Variants in MLLT3 observed in about 807,000 individuals in gnomAD.
MLLT3 encodes protein AF-9.
MLLT3 carries 4 observed loss-of-function variants against 53.2 expected under a neutral mutation model. The observed-to-expected ratio is 0.08, with a 90% CI of 0.04 to 0.17. MLLT3 has a LOEUF of 0.17. MLLT3 is among the 10% of genes least tolerant of loss of function. The pLI is 1.00. For missense variants in MLLT3, 569 were observed against 684.0 expected, an observed-to-expected ratio of 0.83 and a Z score of 1.87; for synonymous variants, 283 against 230.6, an observed-to-expected ratio of 1.23 and a Z score of -2.06.
At chr9:20,385,089 G>C (rs1822001919) in intron 5 of MLLT3, among the ~76,000 whole-genome samples, 2 of 151,986 alleles carry the variant, frequency 1.3e-5, no homozygotes, top group Admixed American at 6.6e-5. Context: ...CCTACCATAA[G>C]TAAAGGTACT....
chr9:20,360,524 A>AAT (rs1821293040), intron 8 of MLLT3, among the ~76,000 whole-genome samples: 1 of 152,198 alleles, frequency 6.6e-6, no homozygotes, highest in African/African-American at 2.4e-5. Context: ...GTACTAACTT[A>AAT]ATTAACCCAT....
At chr9:20,436,306 AG>A (rs2118826144) in intron 4 of MLLT3, among the ~76,000 whole-genome samples, 1 of 152,312 alleles carries the variant, frequency 6.6e-6, no homozygotes, top group East Asian at 1.9e-4. Context: ...CAATCCCCAC[AG>A]ATAGGTTGAT....
intron 3 of MLLT3, among the ~76,000 whole-genome samples, chr9:20,455,019 T>C (rs900584793): frequency 2.0e-5 from 3 of 152,062 alleles, no homozygotes; most frequent in East Asian, 1.9e-4. Flanking sequence ...GTAACAAGTA[T>C]TGGAGAAATT....
chr9:20,479,287 C>G (rs1405973041), intron 2 of MLLT3, among the ~76,000 whole-genome samples: 1 of 151,918 alleles, frequency 6.6e-6, no homozygotes, highest in Non-Finnish European at 1.5e-5. Context: ...GTACTTGTAC[C>G]CCAAGGCAAT....
chr9:20,618,102 A>G (rs1820882761), intron 2 of MLLT3, among the ~76,000 whole-genome samples: 1 of 152,200 alleles, frequency 6.6e-6, no homozygotes, highest in Non-Finnish European at 1.5e-5. Flanking sequence ...TTGTCACTAT[A>G]GCCAACACAG....
chr9:20,516,711 T>C (rs1817928943), intron 2 of MLLT3, among the ~76,000 whole-genome samples: 2 of 152,200 alleles, frequency 1.3e-5, no homozygotes, highest in South Asian at 2.1e-4. Context: ...GTTACAACAA[T>C]GTAGAAAGAT....
chr9:20,359,523 T>C (rs1408314298), intron 8 of MLLT3, among the ~76,000 whole-genome samples: 1 of 152,224 alleles, frequency 6.6e-6, no homozygotes, highest in African/African-American at 2.4e-5. Flanking sequence ...AGTTGAACTG[T>C]AACTGGTACA....
chr9:20,409,594 C>A (rs961269979), intron 5 of MLLT3, among the ~76,000 whole-genome samples: 3 of 152,148 alleles, frequency 2.0e-5, no homozygotes, highest in African/African-American at 7.2e-5. Context: ...AAACCAGGAA[C>A]CACTGTACTC....
At position 20,533,124 on chromosome 9, in the gene MLLT3, G is replaced by C. The variant is rs747413481; in HGVS notation, c.194-76338C>G. ...GCATTACCAAGGAGAAGGCAAGTCT[G>C]GGACATCTAGTTCACAGGAAGACCT... is the stretch of plus-strand genomic sequence containing the variant. On this transcript the variant is annotated intron_variant, in intron 2 of 10. Transcript: ENST00000380338. The C allele has an allele frequency of 1.1e-3, 282 of 258,676 alleles. 2 individuals carry two copies. The highest frequency in any genetic ancestry group is 5.8e-4 in the Non-Finnish European group (75 of 128,902). The allele number at this position is 258,676 out of a possible 1,614,324, so 16.0% of individuals were successfully genotyped here.
chr9:20,349,469 T>G (rs1820957345), intron 10 of MLLT3, among the ~76,000 whole-genome samples: 2 of 151,986 alleles, frequency 1.3e-5, no homozygotes, highest in African/African-American at 2.4e-5. Context: ...AGCCATTTCA[T>G]TAGCACTAAA....
chr9:20,579,356 G>T (rs957850284), intron 2 of MLLT3, among the ~76,000 whole-genome samples: 1 of 151,846 alleles, frequency 6.6e-6, no homozygotes, highest in Non-Finnish European at 1.5e-5. Flanking sequence ...CTGGGCAACA[G>T]AGTAAGATTC....
intron 2 of MLLT3, among the ~76,000 whole-genome samples, chr9:20,604,020 G>A (rs2131200769): frequency 6.6e-6 from 1 of 152,112 alleles, no homozygotes; most frequent in East Asian, 1.9e-4. Flanking sequence ...CAAAATTTCA[G>A]GCTATGAATT....
intron 8 of MLLT3, among the ~76,000 whole-genome samples, chr9:20,357,539 G>C (rs892677086): frequency 6.6e-6 from 1 of 152,156 alleles, no homozygotes; most frequent in African/African-American, 2.4e-5. Flanking sequence ...ATATTTTTCT[G>C]TATCACTTTA....
intron 3 of MLLT3, among the ~76,000 whole-genome samples, chr9:20,456,092 C>T (rs563682032): frequency 6.6e-6 from 1 of 152,178 alleles, no homozygotes; most frequent in Non-Finnish European, 1.5e-5. Context: ...GCATCCACCA[C>T]CATACTCGGC....
chr9:20,380,559 C>A lies in MLLT3; in HGVS notation c.1126-14815G>T, dbSNP rs114026948. ...ACCTTACTATCCACACACAATTGCA[C>A]GTACAATTCAAATATGGATGCTTTT... On this transcript the variant is annotated intron_variant, in intron 5 of 10. Coordinates refer to ENST00000380338, the MANE Select transcript of MLLT3 (RefSeq NM_004529.4). Among the ~76,000 whole-genome samples the A allele has an allele frequency of 6.6e-3, 1,004 of 152,072 alleles. 5 individuals are homozygous for A. Among genetic ancestry groups the A allele is most frequent in the Middle Eastern group, 0.027 (8 of 294 alleles).
chr9:20,414,073 G>A lies in MLLT3; in HGVS notation c.773C>T (p.Pro258Leu), dbSNP rs2118776104. ...ATCTGGTTTTGGCTCTTTTGACATG[G>A]GTTTAGGTTCCTTGAAGGCCATCTT... Reference protein sequence around the residue: ...VPKMAFKEPKPMSKEPKPDSN... With the variant: ...VPKMAFKEPKLMSKEPKPDSN... The change falls in exon 5 of 11, where the codon CCC becomes CTC. Residue 258 changes from proline to leucine, a missense_variant. Around this residue, in one of 5 missense-constraint regions of MLLT3, gnomAD observed 437 missense variants for 376.5 expected, o/e 1.16. Coordinates refer to ENST00000380338, the MANE Select transcript of MLLT3 (RefSeq NM_004529.4). 3 of 1,613,880 alleles carry A rather than the reference G, an allele frequency of 1.9e-6. No individual in the cohort carries two copies. The highest frequency in any genetic ancestry group is 1.1e-5 in the South Asian group (1 of 91,026).
At chr9:20,374,965 T>G (rs1034297612) in intron 5 of MLLT3, among the ~76,000 whole-genome samples, 6 of 152,236 alleles carry the variant, frequency 3.9e-5, no homozygotes, top group Admixed American at 2.0e-4. Context: ...ATTGGTATCC[T>G]TGTAAGAACA....
chr9:20,610,617 C>T lies in MLLT3; in HGVS notation c.193+10037G>A, dbSNP rs373761109. On this transcript the variant is annotated intron_variant, in intron 2 of 10. Coordinates refer to ENST00000380338, the MANE Select transcript of MLLT3 (RefSeq NM_004529.4). Reference sequence around the variant, plus strand: ...TTGCCAAAAAATTCCAGGGTCAAGACATTACATTGATGGAGCTATAAGTAG... The same window carrying T: ...TTGCCAAAAAATTCCAGGGTCAAGATATTACATTGATGGAGCTATAAGTAG... 3.9e-5 allele frequency among the ~76,000 whole-genome samples: 6 copies of T among 152,214 alleles called. No homozygotes were observed. In the South Asian group the frequency reaches 1.2e-3, roughly 32 times the overall value.
chr9:20,457,219 G>C (rs1191271683), intron 2 of MLLT3, among the ~76,000 whole-genome samples: 1 of 142,430 alleles, frequency 7.0e-6, no homozygotes, highest in Non-Finnish European at 1.5e-5. Flanking sequence ...ACTTGTCTGA[G>C]ATGTCCTGAC....
Sources: gnomAD v4.1 joint callset for allele counts (sites outside exome capture counted in the v4.1 genomes callset) on GRCh38, gnomAD v4.1.1 for gene constraint, gnomAD v4.1.1 regional missense constraint, MANE v1.5 for transcripts, NCBI Gene and HGNC (gene_info 2026-07-23, HGNC 2026-07-21) for gene names.